APC: variants seen among roughly 807,000 people sequenced by gnomAD.
APC encodes adenomatous polyposis coli protein.
APC carries 72 observed loss-of-function variants against 247.0 expected under a neutral mutation model. The ratio of observed to expected loss-of-function variants is 0.29; its 90% CI spans 0.24 to 0.35. The LOEUF is 0.35. Ranked by LOEUF, APC falls within the 10% of genes least tolerant of loss-of-function variation. The pLI is 1.00. For synonymous variants in APC, 1,254 were observed against 1,162.5 expected (o/e 1.08, Z -1.60); for missense variants, 3,400 against 3,360.7 (o/e 1.01, Z -0.29).
chr5:112,760,399 A>G (rs1261080977), intron 2 of APC, among the ~76,000 whole-genome samples: 1 of 152,214 alleles, frequency 6.6e-6, no homozygotes, highest in Non-Finnish European at 1.5e-5. Flanking sequence ...AGGGAGAGAC[A>G]TGTTACTTTC....
At chr5:112,794,855 A>G (rs1760029604) in intron 7 of APC, among the ~76,000 whole-genome samples, 1 of 152,162 alleles carries the variant, frequency 6.6e-6, no homozygotes, top group African/African-American at 2.4e-5. Context: ...TGAAAGTGCT[A>G]TACTTAGGAT....
chr5:112,766,529 T>A, intron 3 of APC, 119 bp downstream of exon 3: 1 of 692,764 alleles, frequency 1.4e-6, no homozygotes. Context: ...TCTTGGTATG[T>A]TAGCCTTACC....
At chr5:112,787,312 G>A (rs180958160) in intron 6 of APC, among the ~76,000 whole-genome samples, 11 of 152,320 alleles carry the variant, frequency 7.2e-5, no homozygotes, top group Non-Finnish European at 1.3e-4. Flanking sequence ...TTTGCTGACT[G>A]TTGCCCTAGC....
intron 1 of APC, among the ~76,000 whole-genome samples, chr5:112,716,294 C>T (rs762734646): frequency 6.6e-6 from 1 of 152,016 alleles, no homozygotes; most frequent in Non-Finnish European, 1.5e-5. Context: ...TTATAATTCA[C>T]TTAAGATGTT....
intron 7 of APC, among the ~76,000 whole-genome samples, chr5:112,798,514 G>A (rs1402526366): frequency 6.6e-6 from 1 of 152,118 alleles, no homozygotes; most frequent in East Asian, 1.9e-4. Flanking sequence ...TCATTTAATT[G>A]AACACTTAAA....
rs745692178 is a variant in APC at position 112,838,163 on chromosome 5, G to A, written c.2569G>A (p.Gly857Arg). The change falls in exon 16 of 16, where the codon GGA becomes AGA. Residue 857 changes from glycine to arginine, a missense_variant. Transcript: ENST00000257430. ...AGATAGAAGTTTGGAGAGAGAACGC[G>A]GAATTGGTCTAGGCAACTACCATCC... ...EKDRSLERERGIGLGNYHPAT... is the reference protein window; with the variant it reads ...EKDRSLERERRIGLGNYHPAT... 9.3e-6 allele frequency: 15 copies of A among 1,614,148 alleles called. No homozygotes were observed. The highest frequency in any genetic ancestry group is 1.6e-4 in the Middle Eastern group (1 of 6,062).
chr5:112,737,096 A>T (rs2464810), upstream of APC, among the ~76,000 whole-genome samples: 1 of 152,192 alleles, frequency 6.6e-6, no homozygotes, highest in African/African-American at 2.4e-5. Context: ...ATTTAAATGC[A>T]ATGTAGAATT....
At chr5:112,834,843 C>A in intron 14 of APC, 108 bp from the exon 15 acceptor site, 1 of 969,924 alleles carries the variant, frequency 1.0e-6, no homozygotes, top group Non-Finnish European at 1.6e-6. Flanking sequence ...GAGGGACGGG[C>A]AATAGGATAG....
chr5:112,835,488 A>G (rs1302011626), intron 15 of APC, among the ~76,000 whole-genome samples: 3 of 152,180 alleles, frequency 2.0e-5, no homozygotes, highest in Non-Finnish European at 4.4e-5. Context: ...AACAAAATTT[A>G]GAACAAGACA....
At chr5:112,731,063 T>C (rs1409460252) in intron 1 of APC, among the ~76,000 whole-genome samples, 2 of 151,798 alleles carry the variant, frequency 1.3e-5, no homozygotes, top group Non-Finnish European at 2.9e-5. Flanking sequence ...ATTATATAAT[T>C]ATATATCATA....
chr5:112,716,466 G>C (rs1443076608), intron 1 of APC, among the ~76,000 whole-genome samples: 2 of 152,052 alleles, frequency 1.3e-5, no homozygotes, highest in African/African-American at 4.8e-5. Flanking sequence ...TGTTATTTCA[G>C]ACTTAAAATT....
chr5:112,720,663 G>T (rs9326863), intron 1 of APC, among the ~76,000 whole-genome samples: 63,073 of 152,052 alleles, frequency 0.41, 15,562 homozygotes, highest in East Asian at 0.66. Context: ...AGAAAAATAG[G>T]TCTGTTACAG....
chr5:112,756,957 AG>A (rs961777790), intron 2 of APC, among the ~76,000 whole-genome samples: 1 of 152,170 alleles, frequency 6.6e-6, no homozygotes, highest in African/African-American at 2.4e-5. Context: ...TGCTCCATTG[AG>A]CATTTCGTTT....
intron 1 of APC, among the ~76,000 whole-genome samples, chr5:112,753,095 T>G (rs1295280308): frequency 6.6e-6 from 1 of 152,188 alleles, no homozygotes; most frequent in Non-Finnish European, 1.5e-5. Flanking sequence ...AATTACCTGT[T>G]AATTTTATTT....
chr5:112,789,139 CT>C (rs1285076927), intron 6 of APC, among the ~76,000 whole-genome samples: 3 of 152,138 alleles, frequency 2.0e-5, no homozygotes, highest in Non-Finnish European at 2.9e-5. Context: ...TTAAAAATCA[CT>C]TTTTTCTAAA....
At chr5:112,782,005 A>T (rs1391780337) in intron 6 of APC, among the ~76,000 whole-genome samples, 1 of 152,236 alleles carries the variant, frequency 6.6e-6, no homozygotes, top group African/African-American at 2.4e-5. Flanking sequence ...AAGTGCTAGG[A>T]TTTAGAGTCA....
upstream of APC, among the ~76,000 whole-genome samples, chr5:112,735,504 T>C (rs942895904): frequency 1.3e-5 from 2 of 150,670 alleles, no homozygotes; most frequent in Non-Finnish European, 1.5e-5. Flanking sequence ...TGCATACATA[T>C]ATATATATAT....
intron 8 of APC, among the ~76,000 whole-genome samples, chr5:112,807,901 T>G (rs536468822): frequency 1.3e-5 from 2 of 152,166 alleles, no homozygotes; most frequent in Admixed American, 6.5e-5. Flanking sequence ...ACACCTGTAA[T>G]CTCAGCATTT....
At chr5:112,718,304 A>G (rs1385371606) in intron 1 of APC, among the ~76,000 whole-genome samples, 2 of 152,154 alleles carry the variant, frequency 1.3e-5, no homozygotes, top group Non-Finnish European at 2.9e-5. Flanking sequence ...TTCTCTAAAG[A>G]AGGTTTTCAT....
Sources: gnomAD v4.1 joint callset for allele counts (sites outside exome capture counted in the v4.1 genomes callset) on GRCh38, gnomAD v4.1.1 for gene constraint, MANE v1.5 for transcripts, NCBI Gene and HGNC (gene_info 2026-07-23, HGNC 2026-07-21) for gene names.